PTPRT: variants seen among roughly 807,000 people sequenced by gnomAD.
PTPRT encodes receptor-type tyrosine-protein phosphatase T.
PTPRT carries 56 observed loss-of-function variants against 176.8 expected under a neutral mutation model. The ratio of observed to expected loss-of-function variants is 0.32; its 90% CI spans 0.26 to 0.40. The LOEUF (loss-of-function observed/expected upper bound fraction) is 0.40, where lower values mean the gene tolerates loss of function less well. PTPRT is among the 10% of genes least tolerant of loss of function. The pLI, the probability that PTPRT is intolerant of heterozygous loss-of-function variation, is 1.00. For missense variants in PTPRT, 1,540 were observed against 1,908.2 expected, an observed-to-expected ratio of 0.81 and a Z score of 3.60; for synonymous variants, 783 against 739.0, an observed-to-expected ratio of 1.06 and a Z score of -0.96.
intron 2 of PTPRT, among the ~76,000 whole-genome samples, chr20:42,808,183 T>C (rs577890079): frequency 6.6e-6 from 1 of 152,230 alleles, no homozygotes; most frequent in East Asian, 1.9e-4. Flanking sequence ...TCAACTCACT[T>C]CCTCCCGCAG....
chr20:42,995,613 C>T (rs1464179818), intron 1 of PTPRT, among the ~76,000 whole-genome samples: 1 of 152,124 alleles, frequency 6.6e-6, no homozygotes, highest in African/African-American at 2.4e-5. Context: ...AAATGTCAGG[C>T]CTTTCCGAGT....
intron 1 of PTPRT, among the ~76,000 whole-genome samples, chr20:42,948,406 T>G (rs1981023631): frequency 6.6e-6 from 1 of 151,652 alleles, no homozygotes; most frequent in African/African-American, 2.4e-5. Context: ...TATCTCAGAG[T>G]TGGCTTCTCA....
chr20:42,529,335 G>A (rs753405739), intron 7 of PTPRT, among the ~76,000 whole-genome samples: 1 of 152,196 alleles, frequency 6.6e-6, no homozygotes. Context: ...GACCACGACT[G>A]TCTAATGAGC....
chr20:42,521,703 C>T (rs960905004), intron 7 of PTPRT, among the ~76,000 whole-genome samples: 1 of 152,152 alleles, frequency 6.6e-6, no homozygotes, highest in African/African-American at 2.4e-5. Context: ...ATGTTGATAG[C>T]AATTTGCAGT....
intron 6 of PTPRT, among the ~76,000 whole-genome samples, chr20:42,720,897 G>A (rs1337209277): frequency 5.3e-5 from 8 of 152,144 alleles, no homozygotes; most frequent in Admixed American, 2.0e-4. Flanking sequence ...TAGGAAGCTC[G>A]AGAGACCTCC....
chr20:42,552,795 G>A (rs1477597589), intron 7 of PTPRT, among the ~76,000 whole-genome samples: 1 of 152,074 alleles, frequency 6.6e-6, no homozygotes, highest in East Asian at 1.9e-4. Flanking sequence ...AAGTAAATTC[G>A]TAGTTTAGAA....
At chr20:42,223,408 C>G (rs930435510) in intron 15 of PTPRT, among the ~76,000 whole-genome samples, 9 of 152,244 alleles carry the variant, frequency 5.9e-5, no homozygotes, top group Middle Eastern at 3.4e-3. Context: ...GGATTCAAAC[C>G]CCAACCCAGT....
intron 17 of PTPRT, among the ~76,000 whole-genome samples, chr20:42,142,888 C>T (rs1301823257): frequency 6.6e-6 from 1 of 152,018 alleles, no homozygotes; most frequent in Admixed American, 6.6e-5. Context: ...ACTATAATTC[C>T]TTCATGATAC....
rs1326295151 is a variant in PTPRT at position 42,868,671 on chromosome 20, T to C, written c.214+17136A>G. 2.0e-5 allele frequency among the ~76,000 whole-genome samples: 3 copies of C among 152,304 alleles called. No homozygotes were observed. In the East Asian group the frequency reaches 5.8e-4, roughly 29 times the overall value. On this transcript the variant is annotated intron_variant, in intron 2 of 30. Transcript: ENST00000373187. ...TCAATGTTTGATAAAAATATTAAGA[T>C]GCCTGATAGGGTTATTAGTATGGGT...
chr20:42,060,615 C>G, the PTPRT span, among the ~76,000 whole-genome samples: 336 of 152,346 alleles, frequency 2.2e-3, 1 homozygote, highest in South Asian at 2.7e-3. Context: ...AGTTTTCTCT[C>G]TCTGCCTGCT....
intron 1 of PTPRT, among the ~76,000 whole-genome samples, chr20:42,890,271 G>A (rs2079170603): frequency 6.6e-6 from 1 of 152,134 alleles, no homozygotes; most frequent in Non-Finnish European, 1.5e-5. Flanking sequence ...ACTATTCAGG[G>A]GAGATTTTTA....
At chr20:42,706,165 C>T (rs1337565374) in intron 6 of PTPRT, among the ~76,000 whole-genome samples, 1 of 143,260 alleles carries the variant, frequency 7.0e-6, no homozygotes, top group East Asian at 2.1e-4. Context: ...CTTTATCTCT[C>T]TCTCTCTCTC....
At chr20:42,210,397 C>T (rs931003230) in intron 15 of PTPRT, among the ~76,000 whole-genome samples, 1 of 151,812 alleles carries the variant, frequency 6.6e-6, no homozygotes, top group African/African-American at 2.4e-5. Flanking sequence ...ATCTAGAAAA[C>T]CCCATCGTCT....
chr20:42,638,182 C>T (rs1250829353), intron 7 of PTPRT, among the ~76,000 whole-genome samples: 1 of 152,132 alleles, frequency 6.6e-6, no homozygotes, highest in East Asian at 1.9e-4. Flanking sequence ...TTGATAGCCT[C>T]ACCCATGTAC....
chr20:42,688,874 G>T (rs1431967307), intron 6 of PTPRT, among the ~76,000 whole-genome samples: 1 of 152,214 alleles, frequency 6.6e-6, no homozygotes, highest in Non-Finnish European at 1.5e-5. Context: ...GTTTGGGGAT[G>T]TGGAGTCAAA....
At chr20:42,771,337 T>C (rs2077059486) in intron 5 of PTPRT, 98 bp downstream of exon 5, 1 of 1,075,312 alleles carries the variant, frequency 9.3e-7, no homozygotes. Flanking sequence ...CATGTCTTTG[T>C]TCAATACACT....
At chr20:42,837,091 C>G (rs2078193776) in intron 2 of PTPRT, among the ~76,000 whole-genome samples, 1 of 152,138 alleles carries the variant, frequency 6.6e-6, no homozygotes, top group African/African-American at 2.4e-5. Flanking sequence ...TCTTCCTGCC[C>G]ATATTATAGA....
intron 1 of PTPRT, among the ~76,000 whole-genome samples, chr20:43,003,208 G>C (rs1461264946): frequency 6.6e-6 from 1 of 152,042 alleles, no homozygotes; most frequent in Non-Finnish European, 1.5e-5. Context: ...TATTTTTTGA[G>C]ACAGGGTCTC....
intron 7 of PTPRT, among the ~76,000 whole-genome samples, chr20:42,476,178 T>C (rs942111255): frequency 3.3e-5 from 5 of 152,234 alleles, no homozygotes; most frequent in Non-Finnish European, 7.3e-5. Context: ...TTAGAGAGAA[T>C]TGCCTTTCTT....
Sources: gnomAD v4.1 joint callset for allele counts (sites outside exome capture counted in the v4.1 genomes callset) on GRCh38, gnomAD v4.1.1 for gene constraint, MANE v1.5 for transcripts, NCBI Gene and HGNC (gene_info 2026-07-23, HGNC 2026-07-21) for gene names.